The following PDE1C variants were observed in gnomAD, a reference collection of about 807,000 sequenced individuals.
PDE1C encodes phosphodiesterase 1C.
Under a neutral mutation model 93.1 loss-of-function variants are expected in PDE1C, and 62 were observed. The ratio of observed to expected loss-of-function variants is 0.67; its 90% confidence interval spans 0.54 to 0.82. PDE1C has a LOEUF of 0.82. PDE1C is among the 40% of genes least tolerant of loss of function. The pLI, the probability that PDE1C is intolerant of heterozygous loss-of-function variation, is 0.00. For missense variants in PDE1C, 742 were observed against 884.6 expected, an observed-to-expected ratio of 0.84 and a Z score of 2.04; for synonymous variants, 325 against 310.1, an observed-to-expected ratio of 1.05 and a Z score of -0.50.
chr7:31,896,611 T>C (rs1799359124), intron 2 of PDE1C, among the ~76,000 whole-genome samples: 1 of 152,168 alleles, frequency 6.6e-6, no homozygotes, highest in Non-Finnish European at 1.5e-5. Context: ...CTTGAAGAAG[T>C]AAGATATTGG....
chr7:32,040,037 G>A (rs201180621), intron 2 of PDE1C, among the ~76,000 whole-genome samples: 4 of 152,100 alleles, frequency 2.6e-5, no homozygotes, highest in Non-Finnish European at 4.4e-5. Flanking sequence ...TTAAAAGTAC[G>A]TCTAAAAATT....
At chr7:31,932,350 G>A (rs1236857688) in intron 2 of PDE1C, among the ~76,000 whole-genome samples, 4 of 151,598 alleles carry the variant, frequency 2.6e-5, no homozygotes, top group African/African-American at 4.8e-5. Context: ...GAATCTACAA[G>A]GAACTTAAAC....
intron 3 of PDE1C, among the ~76,000 whole-genome samples, chr7:32,093,041 A>C (rs1797562489): frequency 1.3e-5 from 2 of 152,218 alleles, no homozygotes; most frequent in African/African-American, 2.4e-5. Context: ...TGGGATTTTC[A>C]GGTTTAAATG....
the PDE1C span, among the ~76,000 whole-genome samples, chr7:31,619,647 C>T: frequency 1.3e-5 from 2 of 152,056 alleles, no homozygotes; most frequent in Non-Finnish European, 2.9e-5. Flanking sequence ...CGAATAGGAA[C>T]AGCTCCAGTC....
intron 16 of PDE1C, among the ~76,000 whole-genome samples, chr7:31,782,699 A>G (rs1264134796): frequency 6.6e-6 from 1 of 152,246 alleles, no homozygotes. Flanking sequence ...ATGAATGACT[A>G]CACAGAGTCC....
chr7:32,413,865 C>T (rs924011174), intron 1 of PDE1C, among the ~76,000 whole-genome samples: 2 of 152,064 alleles, frequency 1.3e-5, no homozygotes, highest in African/African-American at 4.8e-5. Context: ...GGAAGTTTAT[C>T]ACAGAATTGT....
intron 2 of PDE1C, among the ~76,000 whole-genome samples, chr7:31,906,098 TA>T (rs1800558089): frequency 6.6e-6 from 1 of 152,180 alleles, no homozygotes; most frequent in South Asian, 2.1e-4. Context: ...ATGTCTTTAT[TA>T]GCAGCATGAG....
chr7:32,003,806 G>C (rs1214183117), intron 2 of PDE1C, among the ~76,000 whole-genome samples: 2 of 152,204 alleles, frequency 1.3e-5, no homozygotes, highest in Non-Finnish European at 2.9e-5. Flanking sequence ...AGATGCTGTG[G>C]CTACTGAAGG....
chr7:31,653,069 A>C, the PDE1C span: 2 of 1,003,214 alleles, frequency 2.0e-6, no homozygotes, highest in Non-Finnish European at 2.7e-6. Flanking sequence ...ACTAAATAGT[A>C]TACGGTCTCT....
intron 1 of PDE1C, among the ~76,000 whole-genome samples, chr7:32,315,850 C>T (rs919202956): frequency 3.9e-5 from 6 of 152,054 alleles, no homozygotes; most frequent in African/African-American, 9.7e-5. Flanking sequence ...ACAAAATTAG[C>T]CGGGCATGGT....
At chr7:32,062,959 A>T in intron 1 of PDE1C, among the ~76,000 whole-genome samples, 1 of 152,184 alleles carries the variant, frequency 6.6e-6, no homozygotes, top group East Asian at 1.9e-4. Context: ...TCATAATCTC[A>T]CAAGCTAGGA....
chr7:31,743,313 CA>C, the PDE1C span, among the ~76,000 whole-genome samples: 1 of 152,148 alleles, frequency 6.6e-6, no homozygotes, highest in Admixed American at 6.5e-5. Flanking sequence ...ACTCTGCAAC[CA>C]TAACACGGGC....
chr7:32,329,446 T>C (rs796809393), intron 1 of PDE1C, among the ~76,000 whole-genome samples: 10 of 152,266 alleles, frequency 6.6e-5, no homozygotes, highest in African/African-American at 2.2e-4. Flanking sequence ...CAATTGCCGA[T>C]GAGCTTTTAA....
chr7:31,862,758 G>A (rs1583656762), intron 7 of PDE1C, among the ~76,000 whole-genome samples: 1 of 152,260 alleles, frequency 6.6e-6, no homozygotes, highest in African/African-American at 2.4e-5. Flanking sequence ...TCAGTCTATA[G>A]TATCCCATAA....
chr7:32,358,008 C>T (rs1437010265), intron 1 of PDE1C, among the ~76,000 whole-genome samples: 1 of 152,148 alleles, frequency 6.6e-6, no homozygotes, highest in African/African-American at 2.4e-5. Flanking sequence ...AGGCAGTGAC[C>T]CCAGCAGAGG....
At chr7:31,822,495 A>C (rs1020268680) in intron 14 of PDE1C, among the ~76,000 whole-genome samples, 13 of 152,174 alleles carry the variant, frequency 8.5e-5, no homozygotes, top group African/African-American at 3.1e-4. Context: ...TGTTGATAGT[A>C]CCAAGGGCCA....
chr7:32,355,916 A>T (rs1784021295), intron 1 of PDE1C, among the ~76,000 whole-genome samples: 1 of 152,218 alleles, frequency 6.6e-6, no homozygotes, highest in Admixed American at 6.5e-5. Flanking sequence ...TTATTTCCAA[A>T]AGTTCTCCCA....
At chr7:32,235,203 T>C (rs1335092453) in intron 1 of PDE1C, among the ~76,000 whole-genome samples, 1 of 146,298 alleles carries the variant, frequency 6.8e-6, no homozygotes. Context: ...GAATTCCCAA[T>C]AAGGGAATAA....
At chr7:32,298,918 C>G in exon 1 of PDE1C, 2 of 1,354,398 alleles carry the variant, frequency 1.5e-6, no homozygotes, top group East Asian at 6.1e-5. Flanking sequence ...GACCCAATGT[C>G]AACAGCTAAA....
Sources: gnomAD v4.1 joint callset for allele counts (sites outside exome capture counted in the v4.1 genomes callset) on GRCh38, gnomAD v4.1.1 for gene constraint, MANE v1.5 for transcripts, NCBI Gene and HGNC (gene_info 2026-07-23, HGNC 2026-07-21) for gene names.